The following DSCAM variants were observed in gnomAD, a reference collection of about 807,000 sequenced individuals.
DSCAM encodes the protein cell adhesion molecule DSCAM.
A neutral mutation model predicts 217.7 loss-of-function variants in DSCAM; 47 were observed. That is an observed-to-expected ratio of 0.22 (90% CI 0.17 to 0.28). The LOEUF is 0.28. Ranked by LOEUF, DSCAM falls within the 10% of genes least tolerant of loss-of-function variation. The probability of loss-of-function intolerance (pLI) is 1.00; values close to 1 mark genes in which losing one functional copy is unlikely to be tolerated. For missense variants in DSCAM, 2,080 were observed against 2,618.3 expected, an observed-to-expected ratio of 0.79 and a Z score of 4.49; for synonymous variants, 1,056 against 1,015.3, an observed-to-expected ratio of 1.04 and a Z score of -0.76.
intron 3 of DSCAM, among the ~76,000 whole-genome samples, chr21:40,516,082 G>A (rs766195713): frequency 8.2e-4 from 125 of 151,776 alleles, no homozygotes; most frequent in Non-Finnish European, 1.7e-3. Context: ...ACTGATTAAA[G>A]GATCATTTAA....
At chr21:40,823,303 C>A (rs1036321315) in intron 1 of DSCAM, among the ~76,000 whole-genome samples, 8 of 149,724 alleles carry the variant, frequency 5.3e-5, no homozygotes, top group Non-Finnish European at 7.4e-5. Flanking sequence ...TAAAAAAAAA[C>A]CATTAAGCTG....
At chr21:40,191,598 A>T (rs1283206684) in intron 11 of DSCAM, among the ~76,000 whole-genome samples, 1 of 152,232 alleles carries the variant, frequency 6.6e-6, no homozygotes, top group East Asian at 1.9e-4. Flanking sequence ...TGTACACTTA[A>T]TATTGCATTC....
intron 11 of DSCAM, among the ~76,000 whole-genome samples, chr21:40,273,360 A>G (rs1381909766): frequency 1.3e-5 from 2 of 152,206 alleles, no homozygotes; most frequent in African/African-American, 4.8e-5. Context: ...CCACCTGTCC[A>G]TGACTAGCTT....
At chr21:40,049,683 C>T (rs374841769) in intron 30 of DSCAM, among the ~76,000 whole-genome samples, 4 of 152,256 alleles carry the variant, frequency 2.6e-5, no homozygotes, top group South Asian at 2.1e-4. Context: ...GCTGAATGAA[C>T]GCATTAACAT....
intron 3 of DSCAM, among the ~76,000 whole-genome samples, chr21:40,490,655 T>C (rs761110739): frequency 2.0e-5 from 3 of 152,220 alleles, no homozygotes; most frequent in Non-Finnish European, 2.9e-5. Flanking sequence ...CATTTGGCAG[T>C]GCAGGCAGGA....
At chr21:40,355,783 C>A (rs980228173) in intron 4 of DSCAM, among the ~76,000 whole-genome samples, 1 of 152,176 alleles carries the variant, frequency 6.6e-6, no homozygotes, top group Non-Finnish European at 1.5e-5. Context: ...ACTGTCCTAT[C>A]AAATGAGAGC....
At chr21:40,650,214 A>G (rs1377552558) in intron 3 of DSCAM, among the ~76,000 whole-genome samples, 3 of 152,248 alleles carry the variant, frequency 2.0e-5, no homozygotes, top group African/African-American at 7.2e-5. Flanking sequence ...TCATCCAAGC[A>G]TCTCTAAGCA....
In DSCAM at chr21:40,702,537, T is replaced by C. The variant is rs1466516410; in HGVS notation, c.361+5917A>G. ...TTTAAGCTATTTGTGCCTTTGTATT[T>C]AAAGAATGTTTCTTTTAAGCAGTGT... On this transcript the variant is annotated intron_variant, in intron 2 of 32. Coordinates refer to ENST00000400454, the MANE Select transcript of DSCAM (RefSeq NM_001389.5). Among the ~76,000 whole-genome samples, 8 of 152,330 alleles carry C rather than the reference T, an allele frequency of 5.3e-5. No individual in the cohort carries two copies. In the East Asian group the frequency reaches 1.5e-3, roughly 29 times the overall value.
intron 32 of DSCAM, among the ~76,000 whole-genome samples, chr21:40,015,784 T>A (rs934451555): frequency 6.6e-6 from 1 of 152,068 alleles, no homozygotes; most frequent in Non-Finnish European, 1.5e-5. Context: ...CTTTAATATA[T>A]CCCATCACCT....
At chr21:40,667,031 T>C (rs536927049) in intron 3 of DSCAM, among the ~76,000 whole-genome samples, 1 of 152,338 alleles carries the variant, frequency 6.6e-6, no homozygotes, top group South Asian at 2.1e-4. Context: ...CAAAGCAACA[T>C]GGGCAGCAGG....
At chr21:40,057,270 A>C (rs1180302227) in intron 28 of DSCAM, among the ~76,000 whole-genome samples, 1 of 152,184 alleles carries the variant, frequency 6.6e-6, no homozygotes, top group East Asian at 1.9e-4. Context: ...CAAATTACTG[A>C]CTTAACTAAC....
chr21:40,608,699 G>A (rs986909564), intron 3 of DSCAM, among the ~76,000 whole-genome samples: 2 of 152,082 alleles, frequency 1.3e-5, no homozygotes, highest in African/African-American at 4.8e-5. Context: ...AGTATTTAAT[G>A]GAACACAATT....
chr21:40,405,790 A>C (rs530762351), intron 3 of DSCAM, among the ~76,000 whole-genome samples: 2 of 152,292 alleles, frequency 1.3e-5, no homozygotes, highest in South Asian at 4.1e-4. Context: ...TGAGGTCAGG[A>C]GTTCAAGACC....
At chr21:40,017,564 AT>A (rs5843994) in intron 32 of DSCAM, among the ~76,000 whole-genome samples, 90,579 of 146,444 alleles carry the variant, frequency 0.62, 28,036 homozygotes, top group African/African-American at 0.69. Flanking sequence ...GGGCCATAAC[AT>A]TTTTTTTTTT....
chr21:40,276,521 T>C lies in DSCAM; in HGVS notation c.2183-251A>G, dbSNP rs558354877. On this transcript the variant is annotated intron_variant, in intron 10 of 32. Coordinates refer to ENST00000400454, the MANE Select transcript of DSCAM (RefSeq NM_001389.5). ...TAACAGAACTTACAGATAGTTTCTC[T>C]ACATAAAAAGCCAAATTTGATGAGT... Among the ~76,000 whole-genome samples the C allele has an allele frequency of 1.4e-4, 22 of 152,336 alleles. No individual in the cohort carries two copies. The South Asian group carries it at 2.9e-3, about 20-fold the overall frequency.
At chr21:40,740,306 A>T (rs2091111745) in intron 1 of DSCAM, among the ~76,000 whole-genome samples, 2 of 152,108 alleles carry the variant, frequency 1.3e-5, no homozygotes, top group African/African-American at 4.8e-5. Flanking sequence ...AGCTAAGGGG[A>T]GATGAGGAGA....
intron 32 of DSCAM, among the ~76,000 whole-genome samples, chr21:40,035,198 C>A (rs1230472815): frequency 4.5e-5 from 5 of 110,006 alleles, no homozygotes; most frequent in Admixed American, 2.8e-4. Context: ...CTAAATGCTC[C>A]AATTAAAAGA....
At chr21:40,358,776 T>G (rs993159394) in intron 4 of DSCAM, among the ~76,000 whole-genome samples, 8 of 141,052 alleles carry the variant, frequency 5.7e-5, no homozygotes, top group African/African-American at 2.2e-4. Flanking sequence ...CATTCCAGCC[T>G]GGGCAACAAA....
intron 10 of DSCAM, among the ~76,000 whole-genome samples, chr21:40,290,892 T>C (rs1344067048): frequency 5.3e-5 from 8 of 152,202 alleles, no homozygotes; most frequent in African/African-American, 1.7e-4. Flanking sequence ...ATTGCAAAAG[T>C]TGGGCATATG....
Sources: gnomAD v4.1 joint callset for allele counts (sites outside exome capture counted in the v4.1 genomes callset) on GRCh38, gnomAD v4.1.1 for gene constraint, MANE v1.5 for transcripts, NCBI Gene and HGNC (gene_info 2026-07-23, HGNC 2026-07-21) for gene names.